The following ARMC8 variants were observed in gnomAD, a reference collection of about 807,000 sequenced individuals.
ARMC8 encodes armadillo repeat containing 8.
In ARMC8, 20 loss-of-function variants were observed where a neutral mutation model predicts 99.3. The observed-to-expected ratio is 0.20, with a 90% CI of 0.14 to 0.29. The LOEUF (loss-of-function observed/expected upper bound fraction) is 0.29. Ranked by LOEUF, ARMC8 falls within the 10% of genes least tolerant of loss-of-function variation. ARMC8 has a pLI of 1.00. For missense variants in ARMC8, 569 were observed against 809.5 expected, an observed-to-expected ratio of 0.70 and a Z score of 3.60; for synonymous variants, 263 against 278.3, an observed-to-expected ratio of 0.95 and a Z score of 0.55.
intron 2 of ARMC8, among the ~76,000 whole-genome samples, chr3:138,217,204 T>C (rs1229562739): frequency 6.6e-6 from 1 of 152,194 alleles, no homozygotes; most frequent in Non-Finnish European, 1.5e-5. Flanking sequence ...CGTCAAATAA[T>C]GTGTCCTCGT....
intron 20 of ARMC8, among the ~76,000 whole-genome samples, chr3:138,290,070 TTGGAAGTGCCAGC>T (rs917526235): frequency 2.6e-5 from 4 of 151,978 alleles, no homozygotes; most frequent in African/African-American, 9.7e-5. Flanking sequence ...TGATATGAAA[TTGGAAGTGCCAGC>T]TGTGCTGAGA....
intron 2 of ARMC8, among the ~76,000 whole-genome samples, chr3:138,215,214 C>CT (rs1268789805): frequency 6.6e-6 from 1 of 151,636 alleles, no homozygotes; most frequent in Non-Finnish European, 1.5e-5. Flanking sequence ...GTGTATATAT[C>CT]TTTTCTTTTC....
Position 138,188,330 on chromosome 3 carries a change from C to T in ARMC8, c.45+731C>T, listed in dbSNP as rs944647169. ...GGAAAAGGGGGTGAGATTTATTTCCCCATTGTTGAAAGAAGGGAACGTATT... is the reference window on the plus strand; with the variant it reads ...GGAAAAGGGGGTGAGATTTATTTCCTCATTGTTGAAAGAAGGGAACGTATT... On this transcript the variant is annotated intron_variant, in intron 1 of 21. Coordinates refer to ENST00000469044, the MANE Select transcript of ARMC8 (RefSeq NM_001363941.2). The T allele has an allele frequency of 7.9e-6, 10 of 1,260,622 alleles. No homozygotes were observed. In the Admixed American group the frequency reaches 2.3e-4, roughly 29 times the overall value. 78.1% of individuals were successfully genotyped at this position (1,260,622 alleles called of 1,614,324 possible).
At chr3:138,219,681 T>G (rs1327389059) in intron 2 of ARMC8, among the ~76,000 whole-genome samples, 1 of 152,230 alleles carries the variant, frequency 6.6e-6, no homozygotes, top group East Asian at 1.9e-4. Flanking sequence ...TTAACATCTT[T>G]TTTTCCTTAT....
At chr3:138,251,334 TG>T (rs1236976680) in intron 12 of ARMC8, among the ~76,000 whole-genome samples, 4 of 152,196 alleles carry the variant, frequency 2.6e-5, no homozygotes, top group Non-Finnish European at 4.4e-5. Flanking sequence ...ATCAAAATTT[TG>T]TATTTTTGTC....
intron 1 of ARMC8, among the ~76,000 whole-genome samples, chr3:138,206,848 G>A (rs2044397158): frequency 6.6e-6 from 1 of 152,200 alleles, no homozygotes. Context: ...CTTGCTGTCT[G>A]AGCAACTTAT....
chr3:138,228,861 T>G, intron 5 of ARMC8, 57 bp from the exon 6 acceptor site: 1 of 1,037,202 alleles, frequency 9.6e-7, no homozygotes. Context: ...TATTTTATAT[T>G]TTATCAAATG....
intron 21 of ARMC8, among the ~76,000 whole-genome samples, chr3:138,292,195 G>A (rs1211971845): frequency 2.6e-5 from 4 of 151,994 alleles, no homozygotes; most frequent in African/African-American, 4.8e-5. Flanking sequence ...CTGCCACCAC[G>A]CCCAGCTAAT....
At chr3:138,218,248 G>A (rs1393510898) in intron 2 of ARMC8, among the ~76,000 whole-genome samples, 2 of 152,158 alleles carry the variant, frequency 1.3e-5, no homozygotes, top group Non-Finnish European at 2.9e-5. Context: ...CAGCCACTTA[G>A]TTGTCCCTCT....
chr3:138,262,308 G>C, intron 12 of ARMC8: 1 of 509,416 alleles, frequency 2.0e-6, no homozygotes, highest in Non-Finnish European at 3.5e-6. Flanking sequence ...AATTAGGTTT[G>C]GTCTAGGGCG....
chr3:138,228,707 A>G (rs2045822604), intron 5 of ARMC8: 3 of 536,988 alleles, frequency 5.6e-6, no homozygotes, highest in Non-Finnish European at 1.1e-5. Flanking sequence ...ATATTTTGCT[A>G]CCAGGGATGA....
chr3:138,282,153 G>T (rs2049990511), intron 18 of ARMC8, among the ~76,000 whole-genome samples: 2 of 152,216 alleles, frequency 1.3e-5, no homozygotes, highest in Admixed American at 1.3e-4. Context: ...AGACTGGTTG[G>T]TGAGGATTGG....
At chr3:138,252,264 C>T (rs2047152973) in intron 12 of ARMC8, among the ~76,000 whole-genome samples, 1 of 151,926 alleles carries the variant, frequency 6.6e-6, no homozygotes, top group Non-Finnish European at 1.5e-5. Flanking sequence ...GGTTTATGTC[C>T]GTAAAGTTAT....
chr3:138,213,779 A>T (rs1315579544), intron 2 of ARMC8, among the ~76,000 whole-genome samples: 2 of 152,208 alleles, frequency 1.3e-5, no homozygotes, highest in African/African-American at 4.8e-5. Context: ...CATGAGTGAA[A>T]GCTACTTAAA....
At chr3:138,236,461 GAA>G (rs772915377) in intron 7 of ARMC8, among the ~76,000 whole-genome samples, 1 of 152,048 alleles carries the variant, frequency 6.6e-6, no homozygotes, top group Admixed American at 6.6e-5. Flanking sequence ...ATAATGATTT[GAA>G]AAACCTACAG....
In ARMC8 at chr3:138,187,399, G is replaced by A. The variant is rs1363927120; in HGVS notation, c.-156G>A. 2 of 663,032 alleles carry A rather than the reference G, an allele frequency of 3.0e-6. No homozygotes were observed. The highest frequency in any genetic ancestry group is 5.1e-6 in the Non-Finnish European group (2 of 390,660). The allele number at this position is 663,032 out of a possible 1,614,324, so 41.1% of individuals were successfully genotyped here. A position where few individuals can be genotyped will look rare whatever the true frequency, so the allele number is the denominator to read the frequency against. On this transcript the variant is annotated 5_prime_UTR_variant, in exon 1 of 22. Transcript: ENST00000469044. ...CATTCCCTTTTGCCCTTCTTTCTGC[G>A]GGCCTTTCCGGTACTTGAGCGGTGT...
intron 18 of ARMC8, among the ~76,000 whole-genome samples, chr3:138,276,328 A>G (rs1269584380): frequency 6.6e-6 from 1 of 152,244 alleles, no homozygotes; most frequent in Non-Finnish European, 1.5e-5. Context: ...TTCAGTTTTG[A>G]CACGTGCATC....
intron 14 of ARMC8, among the ~76,000 whole-genome samples, 192 bp from the exon 15 acceptor site, chr3:138,266,963 G>A (rs547336800): frequency 1.3e-5 from 2 of 152,254 alleles, no homozygotes; most frequent in African/African-American, 4.8e-5. Context: ...CAGATTTGAG[G>A]GCGTTAGTCC....
intron 19 of ARMC8, among the ~76,000 whole-genome samples, chr3:138,285,254 CT>C (rs1174760975): frequency 2.6e-5 from 4 of 152,186 alleles, no homozygotes; most frequent in African/African-American, 9.7e-5. Flanking sequence ...CACCTCTTCC[CT>C]CCCCCATTAC....
Sources: allele counts gnomAD v4.1 joint callset (sites outside exome capture counted in the v4.1 genomes callset), GRCh38; gene constraint gnomAD v4.1.1; transcripts MANE v1.5; gene names NCBI Gene and HGNC (gene_info 2026-07-23, HGNC 2026-07-21).